The following RUBCNL variants were observed in gnomAD, a reference collection of about 807,000 sequenced individuals.
The protein encoded by RUBCNL is rubicon like autophagy enhancer.
In RUBCNL, 62 loss-of-function variants were observed where a neutral mutation model predicts 69.5. The ratio of observed to expected loss-of-function variants is 0.89; its 90% CI spans 0.73 to 1.10. The LOEUF is 1.10. Among genes scored for constraint, RUBCNL ranks in the 50% least tolerant of loss-of-function variants. The pLI is 0.00. For synonymous variants in RUBCNL, 291 were observed against 303.6 expected (o/e 0.96, Z 0.43); for missense variants, 768 against 798.1 (o/e 0.96, Z 0.45).
intron 11 of RUBCNL, 97 bp downstream of exon 11, chr13:46,350,016 A>G (rs759196751): frequency 6.6e-5 from 59 of 887,818 alleles, no homozygotes; most frequent in Non-Finnish European, 9.8e-5. Context: ...TTTGCCTCTT[A>G]GAGGATGTAT....
At position 46,343,514 on chromosome 13, in the gene RUBCNL, G is replaced by C. The variant is rs1428803431; in HGVS notation, c.1877-17C>G. ...CCCTGCACGCTGCAAGCAAGGAAGA[G>C]AGCCGTTAGCAAACGGTCTATCTTG... On this transcript the variant is annotated splice_polypyrimidine_tract_variant and intron_variant, in intron 14 of 14. Transcript: ENST00000429979. 6 of 1,610,406 alleles carry C rather than the reference G, an allele frequency of 3.7e-6. No homozygotes were observed. The highest frequency in any genetic ancestry group is 5.1e-6 in the Non-Finnish European group (6 of 1,177,424).
At chr13:46,345,634 C>A in intron 12 of RUBCNL, 34 bp from the exon 13 acceptor site, 1 of 1,608,184 alleles carries the variant, frequency 6.2e-7, no homozygotes, top group Non-Finnish European at 8.5e-7. Flanking sequence ...AATTCAGAAA[C>A]CCACCCACAC....
At chr13:46,345,661 T>C (rs2138672312) in intron 12 of RUBCNL, 61 bp from the exon 13 acceptor site, 1 of 1,519,930 alleles carries the variant, frequency 6.6e-7, no homozygotes, top group Middle Eastern at 1.8e-4. Flanking sequence ...CAGGGAAGAA[T>C]GGGGCCAGTT....
chr13:46,374,549 C>T (rs978947632), intron 2 of RUBCNL: 11 of 152,188 alleles, frequency 7.2e-5, no homozygotes, highest in African/African-American at 2.4e-4. Flanking sequence ...CTGATAAGAA[C>T]AGATACTACA....
chr13:46,387,902 G>A (rs928698772), upstream of RUBCNL: 9 of 963,462 alleles, frequency 9.3e-6, no homozygotes, highest in African/African-American at 1.6e-4. Flanking sequence ...ACAGAAAGTT[G>A]TCACGAATAG....
In RUBCNL at chr13:46,343,474, G is replaced by A; in HGVS notation, c.1900C>T (p.Gln634Ter). ...GGGCACTCGGAGGACTGGAAGCACT[G>A]TTTGTGAAAGCAAGCCCTGCACGCT... ...CSACRACFHK[Q>*]CFQSSECPRC... The change falls in exon 15 of 15, where the codon CAG becomes TAG. Residue 634 changes from glutamine (Q) to a stop codon, truncating the protein, a stop_gained. Transcript: ENST00000429979. LOFTEE classifies it low-confidence loss of function (END_TRUNC). The A allele has an allele frequency of 1.2e-6, 2 of 1,613,954 alleles. No homozygotes were observed. Among genetic ancestry groups the A allele is most frequent in the Admixed American group, 1.7e-5 (1 of 60,020 alleles).
intron 4 of RUBCNL, 171 bp downstream of exon 4, chr13:46,368,562 G>T (rs41284173): frequency 1.1e-6 from 1 of 923,074 alleles, no homozygotes; most frequent in Non-Finnish European, 1.3e-6. Flanking sequence ...GCACAGGCAC[G>T]GCCTCGGAAC....
intron 9 of RUBCNL, among the ~76,000 whole-genome samples, chr13:46,357,027 C>A (rs1329660237): frequency 6.7e-6 from 1 of 149,982 alleles, no homozygotes; most frequent in Non-Finnish European, 1.5e-5. Flanking sequence ...CCGTGCCCAG[C>A]CTTAAAGCTA....
intron 6 of RUBCNL, among the ~76,000 whole-genome samples, 153 bp downstream of exon 6, chr13:46,362,962 A>ATATATATATATATATATATATATATC (rs2048663147): frequency 1.1e-5 from 1 of 94,220 alleles, no homozygotes; most frequent in Non-Finnish European, 2.0e-5. Flanking sequence ...ATATATATAT[A>ATATATATATATATATATATATATATC]TATATATATA....
chr13:46,350,783 G>A (rs2048353702), intron 10 of RUBCNL: 1 of 160,936 alleles, frequency 6.2e-6, no homozygotes, highest in African/African-American at 2.4e-5. Context: ...TTACACATAG[G>A]AAAAGTGCTT....
At chr13:46,377,335 C>A (rs2049016434) in intron 2 of RUBCNL, among the ~76,000 whole-genome samples, 1 of 152,216 alleles carries the variant, frequency 6.6e-6, no homozygotes, top group African/African-American at 2.4e-5. Flanking sequence ...ACGATCTCGG[C>A]TCACTGCAAC....
chr13:46,349,578 G>A (rs1566065469), intron 11 of RUBCNL, among the ~76,000 whole-genome samples: 1 of 152,068 alleles, frequency 6.6e-6, no homozygotes, highest in Non-Finnish European at 1.5e-5. Context: ...AGAACTTTGG[G>A]GCCTTCTTCA....
At position 46,335,266 on chromosome 13, in the gene RUBCNL, T is replaced by G. The variant is rs138340170; in HGVS notation, c.*8119A>C. 0.027 allele frequency among the ~76,000 whole-genome samples: 2,506 copies of G among 94,508 alleles called. 68 individuals carry two copies. The highest frequency in any genetic ancestry group is 0.068 in the African/African-American group (2,106 of 30,784). 62.0% of individuals were successfully genotyped at this position (94,508 alleles called of 152,430 possible). A position where few individuals can be genotyped will look rare whatever the true frequency, so the allele number is the denominator to read the frequency against. Reference sequence around the variant, plus strand: ...TTTTGTTGTTGTTGTTGTTGTTTTTTTTTTTTTTTTTTTTTTTTTAAGAGA... The same window carrying G: ...TTTTGTTGTTGTTGTTGTTGTTTTTGTTTTTTTTTTTTTTTTTTTAAGAGA... On this transcript the variant is annotated 3_prime_UTR_variant, in exon 15 of 15. Transcript: ENST00000429979.
intron 9 of RUBCNL, among the ~76,000 whole-genome samples, chr13:46,357,463 A>G (rs2048515070): frequency 6.6e-6 from 1 of 152,030 alleles, no homozygotes; most frequent in Non-Finnish European, 1.5e-5. Context: ...AACCAGAGAC[A>G]TGTTATACAA....
rs1250807840 is a variant in RUBCNL at position 46,342,241 on chromosome 13, G to C, written c.*1144C>G. On this transcript the variant is annotated 3_prime_UTR_variant, in exon 15 of 15. Transcript: ENST00000429979. ...ATACACATGGCTGGATGGGGTTAGG[G>C]GACAATCTGTGACGCTTTATTGCCT... 1.3e-5 allele frequency: 2 copies of C among 152,152 alleles called. No homozygotes were observed. The highest frequency in any genetic ancestry group is 4.8e-5 in the African/African-American group (2 of 41,432). 9.4% of individuals were successfully genotyped at this position (152,152 alleles called of 1,614,324 possible).
intron 10 of RUBCNL, among the ~76,000 whole-genome samples, chr13:46,354,027 G>GA (rs1369944000): frequency 1.3e-5 from 2 of 152,220 alleles, no homozygotes; most frequent in Non-Finnish European, 2.9e-5. Flanking sequence ...AACCTTGATG[G>GA]AAAAAATAGC....
chr13:46,353,825 G>C (rs61949223), intron 10 of RUBCNL, among the ~76,000 whole-genome samples: 14,088 of 152,304 alleles, frequency 0.092, 880 homozygotes, highest in Non-Finnish European at 0.14. Context: ...CAATACAGTA[G>C]CCATGAGTTA....
intron 3 of RUBCNL, 34 bp downstream of exon 3, chr13:46,371,907 G>C: frequency 6.2e-7 from 1 of 1,605,130 alleles, no homozygotes; most frequent in Non-Finnish European, 8.5e-7. Context: ...GGTGTGAACA[G>C]AGAGGAATGA....
At chr13:46,386,500 A>C (rs1025391160) in intron 1 of RUBCNL, among the ~76,000 whole-genome samples, 2 of 151,350 alleles carry the variant, frequency 1.3e-5, no homozygotes, top group South Asian at 4.2e-4. Context: ...GGACAGCATC[A>C]AGTTCGCAGG....
Sources: gnomAD v4.1 joint callset for allele counts (sites outside exome capture counted in the v4.1 genomes callset) on GRCh38, gnomAD v4.1.1 for gene constraint, MANE v1.5 for transcripts, NCBI Gene and HGNC (gene_info 2026-07-23, HGNC 2026-07-21) for gene names.